Variants in EYS observed in about 807,000 individuals in gnomAD.
The protein encoded by EYS is EGF-like photoreceptor maintenance factor.
Under a neutral mutation model 282.1 loss-of-function variants are expected in EYS, and 250 were observed. That is an observed-to-expected ratio of 0.89 (90% confidence interval 0.80 to 0.98). The LOEUF (loss-of-function observed/expected upper bound fraction) is 0.98. Among genes scored for constraint, EYS ranks in the 50% least tolerant of loss-of-function variants. The pLI is 0.00. For synonymous variants in EYS, 1,355 were observed against 1,282.9 expected (o/e 1.06, Z -1.20); for missense variants, 4,016 against 3,709.0 (o/e 1.08, Z -2.15).
At chr6:64,147,978 C>T (rs543809383) in intron 31 of EYS, among the ~76,000 whole-genome samples, 10 of 152,168 alleles carry the variant, frequency 6.6e-5, no homozygotes, top group African/African-American at 1.7e-4. Context: ...CTAAACTGAC[C>T]GAGTGGCAGA....
chr6:64,226,669 T>C (rs1582453119), intron 31 of EYS, among the ~76,000 whole-genome samples: 1 of 152,186 alleles, frequency 6.6e-6, no homozygotes, highest in South Asian at 2.1e-4. Flanking sequence ...GGCAACAAGG[T>C]TTAGCTAATA....
chr6:63,738,728 A>G (rs1207895154), intron 41 of EYS, among the ~76,000 whole-genome samples: 2 of 152,152 alleles, frequency 1.3e-5, no homozygotes, highest in African/African-American at 4.8e-5. Flanking sequence ...CCTAAAACTT[A>G]AAGTATAATT....
At chr6:63,726,771 G>A in intron 41 of EYS, 91 bp from the exon 42 acceptor site, 1 of 1,188,238 alleles carries the variant, frequency 8.4e-7, no homozygotes, top group Non-Finnish European at 1.2e-6. Context: ...ATGTAATTTT[G>A]TAATTTCAGG....
At chr6:64,930,516 T>C (rs1290374749) in intron 15 of EYS, among the ~76,000 whole-genome samples, 1 of 151,218 alleles carries the variant, frequency 6.6e-6, no homozygotes, top group East Asian at 1.9e-4. Context: ...CATTAAAACT[T>C]TCATAGTTTT....
chr6:64,634,678 C>T (rs1301010350), intron 22 of EYS, among the ~76,000 whole-genome samples: 1 of 152,088 alleles, frequency 6.6e-6, no homozygotes, highest in Non-Finnish European at 1.5e-5. Flanking sequence ...GCTCCACATG[C>T]CATGTGAGGA....
chr6:65,398,163 T>A (rs1307182115), intron 7 of EYS, among the ~76,000 whole-genome samples: 2 of 152,212 alleles, frequency 1.3e-5, no homozygotes, highest in African/African-American at 4.8e-5. Flanking sequence ...ACTAGCCTTT[T>A]GATGTATGTT....
At chr6:65,248,342 T>C (rs571679238) in intron 12 of EYS, among the ~76,000 whole-genome samples, 2 of 152,244 alleles carry the variant, frequency 1.3e-5, no homozygotes, top group South Asian at 2.1e-4. Context: ...ATAAATGTAA[T>C]AGTAACAATA....
At position 63,891,010 on chromosome 6, in the gene EYS, C is replaced by T. The variant is rs185058162; in HGVS notation, c.7056-26652G>A. 1.2e-4 allele frequency among the ~76,000 whole-genome samples: 19 copies of T among 152,300 alleles called. 1 individual carries two copies. In the East Asian group the frequency reaches 2.9e-3, roughly 23 times the overall value. On this transcript the variant is annotated intron_variant, in intron 35 of 42. Coordinates refer to ENST00000503581, the MANE Select transcript of EYS (RefSeq NM_001142800.2). The stretch of plus-strand genomic sequence containing the variant: ...TAGAAGGAATGGATAAATTCCTGGA[C>T]ACATACAGCCTCCCAAGACTAAACC...
intron 32 of EYS, among the ~76,000 whole-genome samples, chr6:64,069,422 AT>A (rs1771491008): frequency 1.3e-5 from 2 of 151,786 alleles, no homozygotes; most frequent in African/African-American, 2.4e-5. Flanking sequence ...TATTGTTTTT[AT>A]CAGTATATGT....
intron 14 of EYS, among the ~76,000 whole-genome samples, chr6:64,984,709 A>G (rs1770794220): frequency 6.6e-6 from 1 of 151,406 alleles, no homozygotes; most frequent in African/African-American, 2.4e-5. Flanking sequence ...CCCAATAAAG[A>G]CAACTGAACT....
intron 12 of EYS, among the ~76,000 whole-genome samples, chr6:65,213,878 T>C (rs1485173393): frequency 4.6e-5 from 7 of 151,992 alleles, no homozygotes; most frequent in African/African-American, 1.4e-4. Context: ...TACTGAAAGC[T>C]GGCCGGGCGT....
intron 12 of EYS, among the ~76,000 whole-genome samples, chr6:65,155,246 T>A (rs978472539): frequency 4.6e-5 from 7 of 151,464 alleles, no homozygotes; most frequent in African/African-American, 1.2e-4. Context: ...AGCCTTAACA[T>A]AACTCTTTCA....
At chr6:64,035,181 A>C (rs529643532) in intron 33 of EYS, among the ~76,000 whole-genome samples, 10 of 152,290 alleles carry the variant, frequency 6.6e-5, no homozygotes, top group Middle Eastern at 3.4e-3. Flanking sequence ...TTTAATAATG[A>C]CTATTTTAAT....
intron 31 of EYS, among the ~76,000 whole-genome samples, chr6:64,162,669 C>A (rs994709322): frequency 6.6e-6 from 1 of 152,104 alleles, no homozygotes; most frequent in Admixed American, 6.6e-5. Context: ...TCTATGTCAC[C>A]TTTTATTCTC....
At chr6:64,595,777 A>G (rs1195219707) in intron 24 of EYS, among the ~76,000 whole-genome samples, 1 of 152,214 alleles carries the variant, frequency 6.6e-6, no homozygotes, top group East Asian at 1.9e-4. Flanking sequence ...GATGCAAGAC[A>G]TTGAAGAGGA....
intron 35 of EYS, among the ~76,000 whole-genome samples, chr6:63,881,420 TTTTA>T (rs1224701542): frequency 6.6e-6 from 1 of 152,196 alleles, no homozygotes; most frequent in African/African-American, 2.4e-5. Context: ...CAGAGGGAAC[TTTTA>T]TTTTATTGTA....
At chr6:65,646,005 TAAC>T (rs1767438246) in intron 1 of EYS, among the ~76,000 whole-genome samples, 1 of 151,888 alleles carries the variant, frequency 6.6e-6, no homozygotes, top group African/African-American at 2.4e-5. Flanking sequence ...AACAAACCAA[TAAC>T]AAGCAGCGAG....
intron 2 of EYS, among the ~76,000 whole-genome samples, chr6:65,565,244 CAAAAAAAAAAA>C (rs765596305): frequency 6.2e-4 from 1 of 1,618 alleles, no homozygotes; most frequent in Non-Finnish European, 7.8e-4. Context: ...GACTCCGTCT[CAAAAAAAAAAA>C]AAAAAAAAAA....
At chr6:64,723,419 C>T (rs189425421) in intron 22 of EYS, among the ~76,000 whole-genome samples, 37 of 152,310 alleles carry the variant, frequency 2.4e-4, no homozygotes, top group Non-Finnish European at 4.9e-4. Flanking sequence ...AACGGCACTG[C>T]AGGATGCTTT....
Sources: allele counts gnomAD v4.1 joint callset (sites outside exome capture counted in the v4.1 genomes callset), GRCh38; gene constraint gnomAD v4.1.1; transcripts MANE v1.5; gene names NCBI Gene and HGNC (gene_info 2026-07-23, HGNC 2026-07-21).